TSGA10: variants seen among roughly 807,000 people sequenced by gnomAD.
The protein encoded by TSGA10 is testis-specific gene 10 protein.
A neutral mutation model predicts 96.6 loss-of-function variants in TSGA10; 43 were observed. The ratio of observed to expected loss-of-function variants is 0.44; its 90% CI spans 0.35 to 0.57. TSGA10 has a LOEUF of 0.57. TSGA10 is among the 20% of genes least tolerant of loss of function. The pLI, the probability that TSGA10 is intolerant of heterozygous loss-of-function variation, is 0.01. For synonymous variants in TSGA10, 229 were observed against 269.9 expected (o/e 0.85, Z 1.48); for missense variants, 703 against 834.4 (o/e 0.84, Z 1.94).
intron 17 of TSGA10, among the ~76,000 whole-genome samples, chr2:99,031,983 A>G (rs930369136): frequency 6.6e-6 from 1 of 152,172 alleles, no homozygotes; most frequent in African/African-American, 2.4e-5. Flanking sequence ...ACCTTAATAA[A>G]TCAATTGCTT....
intron 1 of TSGA10, among the ~76,000 whole-genome samples, chr2:99,129,011 G>C (rs1483175379): frequency 6.6e-6 from 1 of 152,116 alleles, no homozygotes; most frequent in East Asian, 1.9e-4. Context: ...GTCTCCCTGG[G>C]ATTACAGGCA....
intron 10 of TSGA10, among the ~76,000 whole-genome samples, chr2:99,101,163 G>C (rs1383395312): frequency 7.6e-6 from 1 of 130,876 alleles, no homozygotes; most frequent in Non-Finnish European, 1.6e-5. Flanking sequence ...AGAATGGCGT[G>C]AACCCGGGAA....
chr2:99,021,984 G>A (rs1384210800), intron 17 of TSGA10, among the ~76,000 whole-genome samples: 1 of 152,048 alleles, frequency 6.6e-6, no homozygotes, highest in East Asian at 1.9e-4. Flanking sequence ...TAACACAGTT[G>A]TACAATCGTT....
intron 12 of TSGA10, among the ~76,000 whole-genome samples, chr2:99,077,821 C>G (rs889311677): frequency 6.6e-6 from 1 of 151,972 alleles, no homozygotes; most frequent in Non-Finnish European, 1.5e-5. Flanking sequence ...CTCGGCCTCC[C>G]AAAGTGCTGG....
chr2:99,088,854 T>C (rs1383757041), intron 10 of TSGA10, among the ~76,000 whole-genome samples: 3 of 152,302 alleles, frequency 2.0e-5, no homozygotes, highest in Middle Eastern at 3.4e-3. Flanking sequence ...TACTTCACAA[T>C]TTTAAAAAAG....
chr2:99,020,696 C>T (rs988847989), intron 17 of TSGA10, among the ~76,000 whole-genome samples: 6 of 152,008 alleles, frequency 3.9e-5, no homozygotes, highest in African/African-American at 1.2e-4. Flanking sequence ...TCAGAAAATT[C>T]ATTAATTTAA....
At chr2:99,093,780 G>A (rs1005112534) in intron 10 of TSGA10, among the ~76,000 whole-genome samples, 8 of 151,960 alleles carry the variant, frequency 5.3e-5, no homozygotes, top group African/African-American at 1.2e-4. Context: ...AACATGTCCC[G>A]TGCTCATGGA....
At chr2:99,031,582 A>G (rs1029724021) in intron 17 of TSGA10, among the ~76,000 whole-genome samples, 1 of 152,200 alleles carries the variant, frequency 6.6e-6, no homozygotes, top group Admixed American at 6.5e-5. Flanking sequence ...ATACTTAGTG[A>G]AAGAAAATAT....
chr2:99,067,076 A>G (rs2085340762), intron 15 of TSGA10, among the ~76,000 whole-genome samples: 2 of 152,114 alleles, frequency 1.3e-5, no homozygotes, highest in Non-Finnish European at 1.5e-5. Context: ...GGTCTTTCTT[A>G]CCTCTCCTTT....
At chr2:99,062,482 T>C (rs2084809806) in intron 16 of TSGA10, among the ~76,000 whole-genome samples, 1 of 152,202 alleles carries the variant, frequency 6.6e-6, no homozygotes, top group Non-Finnish European at 1.5e-5. Context: ...ATGCCTCTAA[T>C]CCTAGCACTT....
chr2:99,126,697 G>A lies in TSGA10; in HGVS notation c.-492+351C>T, dbSNP rs371834282. On this transcript the variant is annotated intron_variant, in intron 2 of 20. Transcript: ENST00000393483. ...AAATCCCGGCTAACACGGGAGTTTG[G>A]AGAAATCGTAGTTCTGTCACTTGTT... 9.1e-5 allele frequency: 15 copies of A among 165,126 alleles called. No homozygotes were observed. The South Asian group carries it at 1.9e-3, about 21-fold the overall frequency. The allele number at this position is 165,126 out of a possible 1,614,324, so 10.2% of individuals were successfully genotyped here. A position where few individuals can be genotyped will look rare whatever the true frequency, so the allele number is the denominator to read the frequency against.
chr2:99,141,043 G>T, intron 1 of TSGA10: 1 of 1,249,520 alleles, frequency 8.0e-7, no homozygotes, highest in Non-Finnish European at 1.0e-6. Context: ...CAGTCCAGTA[G>T]CAGCACTCTC....
At chr2:99,144,649 CAAAAAAAAAAAAA>C in intron 1 of TSGA10, among the ~76,000 whole-genome samples, 1 of 52,268 alleles carries the variant, frequency 1.9e-5, no homozygotes, top group African/African-American at 7.1e-5. Context: ...AACTCTGTCT[CAAAAAAAAAAAAA>C]AAAAAAAAAG....
chr2:99,106,764 C>T (rs1445510636), intron 7 of TSGA10, among the ~76,000 whole-genome samples: 1 of 151,980 alleles, frequency 6.6e-6, no homozygotes, highest in East Asian at 1.9e-4. Context: ...CTTGAGATTC[C>T]TTCCTCCCTT....
At chr2:99,013,040 C>A (rs998806035) in intron 20 of TSGA10, among the ~76,000 whole-genome samples, 8 of 151,944 alleles carry the variant, frequency 5.3e-5, no homozygotes, top group Admixed American at 4.6e-4. Flanking sequence ...CTGCTCTGAT[C>A]TTTGTTATTT....
At chr2:99,064,396 A>G (rs912158104) in intron 16 of TSGA10, among the ~76,000 whole-genome samples, 6 of 152,222 alleles carry the variant, frequency 3.9e-5, no homozygotes, top group African/African-American at 1.4e-4. Context: ...TTGCAAATGA[A>G]TATCTCCAAC....
intron 10 of TSGA10, among the ~76,000 whole-genome samples, chr2:99,100,205 G>A (rs974896027): frequency 1.3e-5 from 2 of 152,122 alleles, no homozygotes; most frequent in Non-Finnish European, 2.9e-5. Context: ...TATGAAAATT[G>A]AAAATGCAAA....
intron 10 of TSGA10, among the ~76,000 whole-genome samples, chr2:99,090,452 T>C (rs955386384): frequency 1.4e-4 from 22 of 151,830 alleles, no homozygotes; most frequent in Admixed American, 6.6e-4. Context: ...GAAAAAGAAT[T>C]CAGAAGGTCA....
At chr2:99,052,009 G>T (rs1168362025) in intron 16 of TSGA10, among the ~76,000 whole-genome samples, 3 of 151,774 alleles carry the variant, frequency 2.0e-5, no homozygotes, top group African/African-American at 7.3e-5. Context: ...ATGCAGGTAA[G>T]TACCTATCTT....
Sources: allele counts gnomAD v4.1 joint callset (sites outside exome capture counted in the v4.1 genomes callset), GRCh38; gene constraint gnomAD v4.1.1; transcripts MANE v1.5; gene names NCBI Gene and HGNC (gene_info 2026-07-23, HGNC 2026-07-21).